The following PRUNE1 variants were observed in gnomAD, a reference collection of about 807,000 sequenced individuals.
The protein encoded by PRUNE1 is exopolyphosphatase PRUNE1.
PRUNE1 carries 25 observed loss-of-function variants against 42.5 expected under a neutral mutation model. The observed-to-expected ratio is 0.59, with a 90% CI of 0.43 to 0.82. PRUNE1 has a LOEUF of 0.82. Ranked by LOEUF, PRUNE1 falls within the 40% of genes least tolerant of loss-of-function variation. The pLI is 0.00. For missense variants in PRUNE1, 443 were observed against 539.3 expected, an observed-to-expected ratio of 0.82 and a Z score of 1.77; for synonymous variants, 203 against 217.1, an observed-to-expected ratio of 0.93 and a Z score of 0.57.
At chr1:151,024,467 C>T (rs1388892914) in intron 3 of PRUNE1, 144 bp from the exon 4 acceptor site, 3 of 762,630 alleles carry the variant, frequency 3.9e-6, no homozygotes, top group African/African-American at 3.5e-5. Flanking sequence ...TGCACTCTAG[C>T]CTGGGCGACA....
At chr1:151,027,584 AT>A (rs34162206) in intron 6 of PRUNE1, among the ~76,000 whole-genome samples, 190 of 134,954 alleles carry the variant, frequency 1.4e-3, no homozygotes, top group Middle Eastern at 3.8e-3. Context: ...GTCTTTTTTA[AT>A]TTTTTTTTTT....
At chr1:151,019,292 C>T (rs1229139237) in intron 3 of PRUNE1, among the ~76,000 whole-genome samples, 1 of 152,050 alleles carries the variant, frequency 6.6e-6, no homozygotes, top group Admixed American at 6.6e-5. Context: ...TGTGATGGCT[C>T]ACGCCTGTAA....
chr1:151,023,144 G>A (rs1472494742), intron 3 of PRUNE1, among the ~76,000 whole-genome samples: 2 of 152,142 alleles, frequency 1.3e-5, no homozygotes, highest in African/African-American at 2.4e-5. Flanking sequence ...ATTTTAGGCC[G>A]TGGGGAACTA....
chr1:151,028,865 T>C lies in PRUNE1; in HGVS notation c.854T>C (p.Met285Thr). Residue 285 changes from methionine to threonine, a missense_variant, in exon 7 of 8, where the codon ATG becomes ACG. Transcript: ENST00000271620. ...QAHSYDVLVA[M>T]TIFFNTHNEP... ...CACAGCTATGATGTCCTGGTTGCCA[T>C]GACTATCTTTTTCAACACTCACAAT... 6.2e-7 allele frequency: 1 copy of C among 1,613,994 alleles called. No homozygotes were observed. Among genetic ancestry groups the C allele is most frequent in the Non-Finnish European group, 8.5e-7 (1 of 1,179,864 alleles).
chr1:151,010,271 A>G (rs1383013857), intron 1 of PRUNE1, among the ~76,000 whole-genome samples: 2 of 152,008 alleles, frequency 1.3e-5, no homozygotes, highest in East Asian at 3.9e-4. Flanking sequence ...TTTTATAGAG[A>G]CAGGGTCTCG....
chr1:151,023,302 A>T (rs587641662), intron 3 of PRUNE1, among the ~76,000 whole-genome samples: 1 of 152,242 alleles, frequency 6.6e-6, no homozygotes, highest in Admixed American at 6.6e-5. Flanking sequence ...CAGACGAGAG[A>T]TATTGAGGGC....
chr1:151,027,081 C>G (rs145942529), intron 5 of PRUNE1, 152 bp from the exon 6 acceptor site: 6 of 500,456 alleles, frequency 1.2e-5, no homozygotes, highest in African/African-American at 1.9e-5. Flanking sequence ...TCACCGCGCC[C>G]GGCTATGATT....
Position 151,028,805 on chromosome 1 carries a change from ACCT to A in PRUNE1, c.798_800del (p.Leu267del). 1 of 1,614,008 alleles carries A rather than the reference ACCT, an allele frequency of 6.2e-7. No individual in the cohort carries two copies. Among genetic ancestry groups the A allele is most frequent in the South Asian group, 1.1e-5 (1 of 91,066 alleles). ...TTTCAGGCCTTTCTGCAGAGGTCTAACCTCCTTGCAGATCTCCATGCTTTCTGC... is the reference window on the plus strand; with the variant it reads ...TTTCAGGCCTTTCTGCAGAGGTCTAACCTTGCAGATCTCCATGCTTTCTGC... On this transcript the variant is annotated inframe_deletion, in exon 7 of 8. Coordinates refer to ENST00000271620, the MANE Select transcript of PRUNE1 (RefSeq NM_021222.3).
chr1:151,010,971 TATAGAA>T lies in PRUNE1; in HGVS notation c.39+2301_39+2306del, dbSNP rs373874836. 5.9e-3 allele frequency among the ~76,000 whole-genome samples: 905 copies of T among 152,272 alleles called. 11 individuals are homozygous for T. Among genetic ancestry groups the T allele is most frequent in the African/African-American group, 0.021 (874 of 41,546 alleles). On this transcript the variant is annotated intron_variant, in intron 1 of 7. Transcript: ENST00000271620. The stretch of plus-strand genomic sequence containing the variant: ...ACACCCAGCCTAGATTGCTTTAAAT[TATAGAA>T]GTAGTAAATGTGTATTTCATGAACA...
At chr1:151,010,612 T>G (rs587716818) in intron 1 of PRUNE1, among the ~76,000 whole-genome samples, 1 of 151,944 alleles carries the variant, frequency 6.6e-6, no homozygotes, top group East Asian at 1.9e-4. Context: ...TCTAGGAAGG[T>G]TAACAGGGGA....
At chr1:151,018,117 T>C (rs74125015) in intron 2 of PRUNE1, among the ~76,000 whole-genome samples, 3,642 of 152,226 alleles carry the variant, frequency 0.024, 104 homozygotes, top group African/African-American at 0.083. Flanking sequence ...TCGAGGGATA[T>C]GTAAACCATA....
chr1:151,027,349 G>A (rs760946269), intron 6 of PRUNE1, 22 bp downstream of exon 6: 13 of 1,549,456 alleles, frequency 8.4e-6, no homozygotes, highest in South Asian at 1.1e-5. Flanking sequence ...TTGTGGCTGT[G>A]GGTGGGGAGA....
In PRUNE1 at chr1:151,008,492, G is replaced by A; in HGVS notation, c.-141G>A. ...TCCCGGGGTCGGAGGCCGATTCGCCGTGTGGCGGGTTCGAGTCCCGCCTCC... is the reference window on the plus strand; with the variant it reads ...TCCCGGGGTCGGAGGCCGATTCGCCATGTGGCGGGTTCGAGTCCCGCCTCC... On this transcript the variant is annotated 5_prime_UTR_variant, in exon 1 of 8. The change creates a new upstream start codon in the 5' untranslated region. Coordinates refer to ENST00000271620, the MANE Select transcript of PRUNE1 (RefSeq NM_021222.3). The A allele has an allele frequency of 1.3e-5, 16 of 1,241,002 alleles. No individual in the cohort carries two copies. Among genetic ancestry groups the A allele is most frequent in the South Asian group, 1.1e-4 (9 of 79,684 alleles). 76.9% of individuals were successfully genotyped at this position (1,241,002 alleles called of 1,614,324 possible). A position where few individuals can be genotyped will look rare whatever the true frequency, so the allele number is the denominator to read the frequency against.
At chr1:151,023,194 CT>C in intron 3 of PRUNE1, among the ~76,000 whole-genome samples, 1 of 152,174 alleles carries the variant, frequency 6.6e-6, no homozygotes, top group Middle Eastern at 3.4e-3. Context: ...ATCAGATTTT[CT>C]TTTTTCAAAT....
chr1:151,009,860 C>T (rs1357739232), intron 1 of PRUNE1, among the ~76,000 whole-genome samples: 1 of 152,070 alleles, frequency 6.6e-6, no homozygotes, highest in Non-Finnish European at 1.5e-5. Flanking sequence ...CCTCTGAGTC[C>T]ACCACAGGGC....
At chr1:151,015,957 A>C (rs775396788) in intron 1 of PRUNE1, among the ~76,000 whole-genome samples, 4 of 152,146 alleles carry the variant, frequency 2.6e-5, no homozygotes, top group African/African-American at 9.6e-5. Flanking sequence ...TCAAAAGTAA[A>C]CTGGTGGGCT....
chr1:151,031,668 C>T (rs1005507792), intron 7 of PRUNE1, among the ~76,000 whole-genome samples: 1 of 152,162 alleles, frequency 6.6e-6, no homozygotes, highest in Non-Finnish European at 1.5e-5. Context: ...AGTTTCCCTG[C>T]ATGTAAGTGA....
chr1:151,015,455 GA>G (rs1674050929), intron 1 of PRUNE1, among the ~76,000 whole-genome samples: 1 of 151,750 alleles, frequency 6.6e-6, no homozygotes, highest in South Asian at 2.1e-4. Flanking sequence ...CCAACATGGT[GA>G]AACCCCGTCT....
intron 2 of PRUNE1, 126 bp downstream of exon 2, chr1:151,018,030 GTC>G (rs1037257483): frequency 3.0e-6 from 2 of 667,616 alleles, no homozygotes; most frequent in Non-Finnish European, 5.3e-6. Context: ...ACTTTGCTGA[GTC>G]TCATGCCACC....
Sources: allele counts gnomAD v4.1 joint callset (sites outside exome capture counted in the v4.1 genomes callset), GRCh38; gene constraint gnomAD v4.1.1; transcripts MANE v1.5; gene names NCBI Gene and HGNC (gene_info 2026-07-23, HGNC 2026-07-21).